Variants in C1QTNF6 observed in about 807,000 individuals in gnomAD.
The protein encoded by C1QTNF6 is complement C1q tumor necrosis factor-related protein 6.
C1QTNF6 carries 17 observed loss-of-function variants against 20.7 expected under a neutral mutation model. That is an observed-to-expected ratio of 0.82 (90% CI 0.56 to 1.23). The LOEUF is 1.23. Ranked by LOEUF, C1QTNF6 falls within the 50% of genes most tolerant of loss-of-function variation. The pLI is 0.00. For missense variants in C1QTNF6, 329 were observed against 389.7 expected, an observed-to-expected ratio of 0.84 and a Z score of 1.31; for synonymous variants, 130 against 156.3, an observed-to-expected ratio of 0.83 and a Z score of 1.25.
intron 2 of C1QTNF6, among the ~76,000 whole-genome samples, chr22:37,194,290 G>C (rs1925005640): frequency 6.6e-6 from 1 of 152,154 alleles, no homozygotes; most frequent in African/African-American, 2.4e-5. Context: ...TTTTATGACA[G>C]ACTGACACAG....
chr22:37,188,132 C>T lies in C1QTNF6; in HGVS notation c.51+31G>A, dbSNP rs367991314. 43 of 1,596,062 alleles carry T rather than the reference C, an allele frequency of 2.7e-5. No homozygotes were observed. In the African/African-American group the frequency reaches 5.7e-4, roughly 21 times the overall value. On this transcript the variant is annotated intron_variant, in intron 1 of 2. Coordinates refer to ENST00000337843, the MANE Select transcript of C1QTNF6 (RefSeq NM_031910.4). Reference sequence around the variant, plus strand: ...AGGAATTCCAGGCTCTGACCCCAGCCCCCAAGCTTGAGGAGCCTCTGGTCA... The same window carrying T: ...AGGAATTCCAGGCTCTGACCCCAGCTCCCAAGCTTGAGGAGCCTCTGGTCA...
At chr22:37,194,528 G>A (rs569365693) in intron 2 of C1QTNF6, among the ~76,000 whole-genome samples, 1 of 152,266 alleles carries the variant, frequency 6.6e-6, no homozygotes, top group East Asian at 1.9e-4. Flanking sequence ...CTGTGGCTTT[G>A]ATGGCCCTGC....
At chr22:37,185,574 G>T (rs1265832217) in intron 1 of C1QTNF6, 119 bp from the exon 2 acceptor site, 7 of 1,393,812 alleles carry the variant, frequency 5.0e-6, no homozygotes, top group Non-Finnish European at 6.5e-6. Flanking sequence ...AACTCCAGAG[G>T]GAAGGTTATT....
chr22:37,188,927 G>A (rs754036636), upstream of C1QTNF6, among the ~76,000 whole-genome samples: 12 of 152,210 alleles, frequency 7.9e-5, no homozygotes, highest in Non-Finnish European at 1.3e-4. Context: ...ACAGAGCAAA[G>A]TGAAAGCAAG....
chr22:37,198,690 G>A (rs961142203), upstream of C1QTNF6, among the ~76,000 whole-genome samples: 1 of 151,358 alleles, frequency 6.6e-6, no homozygotes, highest in Non-Finnish European at 1.5e-5. Flanking sequence ...CCGCTCCCCG[G>A]TCCCCGGCCC....
chr22:37,184,308 C>G lies in C1QTNF6; in HGVS notation c.289+910G>C. 1 of 713,480 alleles carries G rather than the reference C, an allele frequency of 1.4e-6. No homozygotes were observed. The highest frequency in any genetic ancestry group is 2.6e-6 in the Non-Finnish European group (1 of 382,338). 44.2% of individuals were successfully genotyped at this position (713,480 alleles called of 1,614,324 possible). ...CCAGGAGACTGGGTTTCCCCATCTG[C>G]AAAGTGGGAGGAATAAGAAAATATC... On this transcript the variant is annotated intron_variant, in intron 2 of 2. Transcript: ENST00000337843. The surrounding 1 kb of genome is among the most constrained non-coding windows in gnomAD (Gnocchi z 4.0).
At chr22:37,183,646 G>C (rs61621367) in intron 2 of C1QTNF6, among the ~76,000 whole-genome samples, 2,301 of 152,358 alleles carry the variant, frequency 0.015, 65 homozygotes, top group African/African-American at 0.053. Flanking sequence ...TTCCACAGGG[G>C]GGGAAGGGGA....
chr22:37,199,320 C>T (rs1925347227), upstream of C1QTNF6: 1 of 152,340 alleles, frequency 6.6e-6, no homozygotes, highest in Non-Finnish European at 1.5e-5. Context: ...AGCGGAACCC[C>T]TACATCCACG....
upstream of C1QTNF6, chr22:37,191,704 A>C (rs1240479380): frequency 6.6e-6 from 1 of 152,224 alleles, no homozygotes; most frequent in Non-Finnish European, 1.5e-5. Flanking sequence ...TCCAAAAAAA[A>C]CTGTCTCTTT....
chr22:37,184,538 C>G lies in C1QTNF6; in HGVS notation c.289+680G>C, dbSNP rs1924116203. 1 of 704,916 alleles carries G rather than the reference C, an allele frequency of 1.4e-6. No individual in the cohort carries two copies. Among genetic ancestry groups the G allele is most frequent in the Non-Finnish European group, 2.6e-6 (1 of 380,072 alleles). 43.7% of individuals were successfully genotyped at this position (704,916 alleles called of 1,614,324 possible). On this transcript the variant is annotated intron_variant, in intron 2 of 2. Coordinates refer to ENST00000337843, the MANE Select transcript of C1QTNF6 (RefSeq NM_031910.4). This position sits in a 1 kb window ranked among gnomAD's most constrained non-coding sequence, Gnocchi z 4.0. ...CCTGGACAGCCCTCACCTGGACAGC[C>G]CTCACCTGGATGGCCCTCACCTGGA... is the stretch of plus-strand genomic sequence containing the variant.
upstream of C1QTNF6, chr22:37,188,404 A>T (rs987526267): frequency 3.9e-5 from 19 of 489,016 alleles, no homozygotes; most frequent in African/African-American, 3.2e-4. Context: ...GGTTCTGCGG[A>T]GATAAAGGGA....
intron 2 of C1QTNF6, among the ~76,000 whole-genome samples, chr22:37,194,208 G>T (rs1443550523): frequency 6.6e-6 from 1 of 152,158 alleles, no homozygotes; most frequent in Non-Finnish European, 1.5e-5. Flanking sequence ...TGTAACTGAC[G>T]AGTTTGCTGG....
Position 37,184,565 on chromosome 22 carries a change from A to T in C1QTNF6, c.289+653T>A. 1 of 657,578 alleles carries T rather than the reference A, an allele frequency of 1.5e-6. No individual in the cohort carries two copies. The allele number at this position is 657,578 out of a possible 1,614,324, so 40.7% of individuals were successfully genotyped here. On this transcript the variant is annotated intron_variant, in intron 2 of 2. Coordinates refer to ENST00000337843, the MANE Select transcript of C1QTNF6 (RefSeq NM_031910.4). This position sits in a 1 kb window ranked among gnomAD's most constrained non-coding sequence, Gnocchi z 4.0. ...TCACCTGGATGGCCCTCACCTGGACAGGCCCCACAGGGCTGCATGCTCCGA... is the reference window on the plus strand; with the variant it reads ...TCACCTGGATGGCCCTCACCTGGACTGGCCCCACAGGGCTGCATGCTCCGA...
At position 37,182,679 on chromosome 22, in the gene C1QTNF6, G is replaced by A. The variant is rs1246312697; in HGVS notation, c.346C>T (p.Pro116Ser). 1 of 1,612,842 alleles carries A rather than the reference G, an allele frequency of 6.2e-7. No individual in the cohort carries two copies. The highest frequency in any genetic ancestry group is 8.5e-7 in the Non-Finnish European group (1 of 1,179,944). Residue 116 changes from proline (P) to serine (S), a missense_variant, in exon 3 of 3, where the codon CCC (proline) becomes TCC (serine). Physicochemically the swap from Pro to Ser is moderately conservative, Grantham distance 74 (BLOSUM62 -1). Coordinates refer to ENST00000337843, the MANE Select transcript of C1QTNF6 (RefSeq NM_031910.4). ...GLPGYMGREG[P>S]QGEPGPQGSK... ...CCCTGAGGGCCAGGCTCCCCTTGGGGACCCTCCCTGCCCATGTACCCTGGC... is the reference window on the plus strand; with the variant it reads ...CCCTGAGGGCCAGGCTCCCCTTGGGAACCCTCCCTGCCCATGTACCCTGGC...
At chr22:37,195,175 C>T (rs1279269412) in intron 2 of C1QTNF6, among the ~76,000 whole-genome samples, 1 of 152,214 alleles carries the variant, frequency 6.6e-6, no homozygotes, top group Non-Finnish European at 1.5e-5. Flanking sequence ...TCCCATAGTG[C>T]CTAATCCATT....
chr22:37,195,815 G>A (rs532481546), intron 1 of C1QTNF6: 5 of 152,286 alleles, frequency 3.3e-5, no homozygotes, highest in African/African-American at 9.6e-5. Flanking sequence ...TGGTGGGAGT[G>A]TCTTTTAGCA....
At chr22:37,195,828 C>T (rs1439832305) in intron 1 of C1QTNF6, 1 of 152,160 alleles carries the variant, frequency 6.6e-6, no homozygotes, top group Non-Finnish European at 1.5e-5. Flanking sequence ...TTTTAGCATG[C>T]TAATGCATTA....
intron 2 of C1QTNF6, 137 bp from the exon 3 acceptor site, chr22:37,182,872 G>A (rs1601625805): frequency 6.9e-7 from 1 of 1,439,788 alleles, no homozygotes; most frequent in East Asian, 2.5e-5. Flanking sequence ...CCTACTGTAT[G>A]CCAGACATTG....
intron 2 of C1QTNF6, among the ~76,000 whole-genome samples, chr22:37,183,907 C>G (rs1924024009): frequency 6.6e-6 from 1 of 152,162 alleles, no homozygotes; most frequent in African/African-American, 2.4e-5. Context: ...GAGAGACCAG[C>G]CTGACTCACT....
Sources: allele counts gnomAD v4.1 joint callset (sites outside exome capture counted in the v4.1 genomes callset), GRCh38; gene constraint gnomAD v4.1.1; non-coding constraint Gnocchi (gnomAD v3.1); transcripts MANE v1.5; gene names NCBI Gene and HGNC (gene_info 2026-07-23, HGNC 2026-07-21).